IGFBP4: variants seen among roughly 807,000 people sequenced by gnomAD.
IGFBP4 encodes the protein insulin-like growth factor-binding protein 4.
A neutral mutation model predicts 25.8 loss-of-function variants in IGFBP4; 9 were observed. The observed-to-expected ratio is 0.35, with a 90% CI of 0.21 to 0.61. The LOEUF (loss-of-function observed/expected upper bound fraction) is 0.61. Among genes scored for constraint, IGFBP4 ranks in the 20% least tolerant of loss-of-function variants. IGFBP4 has a pLI of 0.77. For synonymous variants in IGFBP4, 153 were observed against 153.9 expected (o/e 0.99, Z 0.05); for missense variants, 315 against 365.3 (o/e 0.86, Z 1.12).
chr17:40,456,674 G>C lies in IGFBP4; in HGVS notation c.*91G>C. On this transcript the variant is annotated 3_prime_UTR_variant, in exon 4 of 4. Transcript: ENST00000269593. ...GACCCAGAGTGGAGTCTGAGTCTGA[G>C]TCCTGTCTCTGCCTGCGGCCCAGAA... 7.5e-7 allele frequency: 1 copy of C among 1,330,322 alleles called. No individual in the cohort carries two copies. The highest frequency in any genetic ancestry group is 1.0e-6 in the Non-Finnish European group (1 of 964,864). The allele number at this position is 1,330,322 out of a possible 1,614,324, so 82.4% of individuals were successfully genotyped here. A position where few individuals can be genotyped will look rare whatever the true frequency, so the allele number is the denominator to read the frequency against.
intron 1 of IGFBP4, 100 bp from the exon 2 acceptor site, chr17:40,452,885 G>A (rs2035692849): frequency 4.8e-6 from 5 of 1,039,312 alleles, no homozygotes; most frequent in Non-Finnish European, 6.6e-6. Context: ...GCGCCAAGCC[G>A]AAGAATCCCC....
chr17:40,451,531 G>A (rs956847149), intron 1 of IGFBP4, among the ~76,000 whole-genome samples: 6 of 151,904 alleles, frequency 3.9e-5, no homozygotes, highest in African/African-American at 1.5e-4. Context: ...GGCAGCTCTG[G>A]GATCGCTGCC....
chr17:40,443,688 C>T lies in IGFBP4; in HGVS notation c.-48C>T. ...GCCGCTCGCCCGCGCGCCCGCGCTC[C>T]CCGCCTGCGCCCAGCGCCCCGCGCC... is the stretch of plus-strand genomic sequence containing the variant. On this transcript the variant is annotated 5_prime_UTR_variant, in exon 1 of 4. Coordinates refer to ENST00000269593, the MANE Select transcript of IGFBP4 (RefSeq NM_001552.3). 8.8e-7 allele frequency: 1 copy of T among 1,141,906 alleles called. No individual in the cohort carries two copies. Among genetic ancestry groups the T allele is most frequent in the Non-Finnish European group, 1.1e-6 (1 of 914,494 alleles). 70.7% of individuals were successfully genotyped at this position (1,141,906 alleles called of 1,614,324 possible). A position where few individuals can be genotyped will look rare whatever the true frequency, so the allele number is the denominator to read the frequency against.
At position 40,454,015 on chromosome 17, in the gene IGFBP4, A is replaced by T; in HGVS notation, c.595A>T (p.Ile199Phe). Residue 199 changes from isoleucine (I) to phenylalanine (F), a missense_variant, in exon 3 of 4, where the codon ATC becomes TTC. Ile to Phe is a conservative substitution (Grantham distance 21). Transcript: ENST00000269593. ...QSRTHEDLYI[I>F]PIPNCDRNGN... is the part of the protein sequence containing the mutation. ...CCGCACCCACGAGGACCTCTACATC[A>T]TCCCCATCCCCAACTGCGACCGCAA... is the stretch of plus-strand genomic sequence containing the variant. The T allele has an allele frequency of 6.2e-7, 1 of 1,612,482 alleles. No individual in the cohort carries two copies. Among genetic ancestry groups the T allele is most frequent in the South Asian group, 1.1e-5 (1 of 90,724 alleles).
intron 1 of IGFBP4, 47 bp from the exon 2 acceptor site, chr17:40,452,930 GTGACGCTC>G: frequency 2.9e-6 from 4 of 1,365,938 alleles, no homozygotes; most frequent in Non-Finnish European, 3.9e-6. Context: ...CTGGGTTGGT[GTGACGCTC>G]TGACCTCTTC....
chr17:40,452,128 A>G (rs10305299), intron 1 of IGFBP4, among the ~76,000 whole-genome samples: 6 of 152,112 alleles, frequency 3.9e-5, no homozygotes, highest in Non-Finnish European at 8.8e-5. Flanking sequence ...ATGAGCCACA[A>G]TGCCCCATTT....
intron 1 of IGFBP4, among the ~76,000 whole-genome samples, chr17:40,444,575 A>G (rs2035630012): frequency 6.6e-6 from 1 of 152,076 alleles, no homozygotes; most frequent in Admixed American, 6.6e-5. Context: ...GGAGTGGGAC[A>G]TACAAATTAG....
chr17:40,456,737 G>C lies in IGFBP4; in HGVS notation c.*154G>C. ...TGCGCGTGTGCACGTGTGCGTGTGCGTGCGTGTGTGTGTGTTTGTGAGCAT... is the reference window on the plus strand; with the variant it reads ...TGCGCGTGTGCACGTGTGCGTGTGCCTGCGTGTGTGTGTGTTTGTGAGCAT... On this transcript the variant is annotated 3_prime_UTR_variant, in exon 4 of 4. Coordinates refer to ENST00000269593, the MANE Select transcript of IGFBP4 (RefSeq NM_001552.3). 1 of 682,512 alleles carries C rather than the reference G, an allele frequency of 1.5e-6. No individual in the cohort carries two copies. The allele number at this position is 682,512 out of a possible 1,614,324, so 42.3% of individuals were successfully genotyped here.
At chr17:40,452,824 A>G (rs890827139) in intron 1 of IGFBP4, among the ~76,000 whole-genome samples, 161 bp from the exon 2 acceptor site, 1 of 151,956 alleles carries the variant, frequency 6.6e-6, no homozygotes, top group African/African-American at 2.4e-5. Flanking sequence ...GGGAGGAGGT[A>G]GGGGGCTGCT....
In IGFBP4 at chr17:40,454,049, TCCA is replaced by T; in HGVS notation, c.632_634del (p.His211del). 1 of 1,612,220 alleles carries T rather than the reference TCCA, an allele frequency of 6.2e-7. No individual in the cohort carries two copies. Among genetic ancestry groups the T allele is most frequent in the Non-Finnish European group, 8.5e-7 (1 of 1,179,226 alleles). ...CCCAACTGCGACCGCAACGGCAACT[TCCA>T]CCCCAAGCAGGTGGGTCTCTGTCTC... is the stretch of plus-strand genomic sequence containing the variant. On this transcript the variant is annotated inframe_deletion, in exon 3 of 4. Transcript: ENST00000269593.
At chr17:40,445,114 C>A (rs991336308) in intron 1 of IGFBP4, among the ~76,000 whole-genome samples, 1 of 152,136 alleles carries the variant, frequency 6.6e-6, no homozygotes, top group African/African-American at 2.4e-5. Context: ...TGTCTCTCAA[C>A]CTCTAGTTTC....
At chr17:40,446,840 C>T (rs990126731) in intron 1 of IGFBP4, among the ~76,000 whole-genome samples, 1 of 152,186 alleles carries the variant, frequency 6.6e-6, no homozygotes, top group Non-Finnish European at 1.5e-5. Context: ...CCCTCCCACA[C>T]CTCCTAGTCA....
chr17:40,449,690 A>G (rs1192802848), intron 1 of IGFBP4, among the ~76,000 whole-genome samples: 5 of 151,636 alleles, frequency 3.3e-5, no homozygotes, highest in Non-Finnish European at 5.9e-5. Flanking sequence ...TGGAGCTTGC[A>G]TTGAGCCGAG....
Position 40,444,009 on chromosome 17 carries a change from A to C in IGFBP4, c.274A>C (p.Thr92Pro). The change falls in exon 1 of 4, where the codon ACA (threonine) becomes CCA (proline). Residue 92 changes from threonine to proline, a missense_variant. Transcript: ENST00000269593. The part of the protein sequence containing the change: ...PPRGVEKPLH[T>P]LMHGQGVCME... ...CCGAGGGGTGGAGAAGCCCCTGCAC[A>C]CACTGATGCACGGGCAAGGCGTGTG... is the stretch of plus-strand genomic sequence containing the variant. 1.3e-6 allele frequency: 2 copies of C among 1,536,510 alleles called. No individual in the cohort carries two copies. The highest frequency in any genetic ancestry group is 1.7e-6 in the Non-Finnish European group (2 of 1,146,912).
rs151291502 is a variant in IGFBP4 at position 40,456,520 on chromosome 17, G to T, written c.714G>T (p.Pro238=). 1 of 1,613,440 alleles carries T rather than the reference G, an allele frequency of 6.2e-7. No individual in the cohort carries two copies. The highest frequency in any genetic ancestry group is 8.5e-7 in the Non-Finnish European group (1 of 1,179,772). The part of the protein sequence containing the change: ...CVDRKTGVKL[P]GGLEPKGELD... ...ACCGGAAGACGGGGGTGAAGCTTCCGGGGGGCCTGGAGCCAAAGGGGGAGC... is the reference window on the plus strand; with the variant it reads ...ACCGGAAGACGGGGGTGAAGCTTCCTGGGGGCCTGGAGCCAAAGGGGGAGC... The change falls in exon 4 of 4, where the codon CCG becomes CCT. Residue 238 remains proline (P), a synonymous_variant. Transcript: ENST00000269593.
chr17:40,446,469 A>T (rs1026931760), intron 1 of IGFBP4, among the ~76,000 whole-genome samples: 14 of 152,072 alleles, frequency 9.2e-5, no homozygotes, highest in Non-Finnish European at 1.5e-5. Context: ...TACAAAAATT[A>T]GCTGGGCATG....
At position 40,456,780 on chromosome 17, in the gene IGFBP4, A is replaced by G; in HGVS notation, c.*197A>G. 2 of 582,800 alleles carry G rather than the reference A, an allele frequency of 3.4e-6. No individual in the cohort carries two copies. The highest frequency in any genetic ancestry group is 3.4e-5 in the Admixed American group (1 of 29,434). The allele number at this position is 582,800 out of a possible 1,614,324, so 36.1% of individuals were successfully genotyped here. A position where few individuals can be genotyped will look rare whatever the true frequency, so the allele number is the denominator to read the frequency against. On this transcript the variant is annotated 3_prime_UTR_variant, in exon 4 of 4. Transcript: ENST00000269593. ...GTGAGCATGGGTGTGCCCTTGGGGT[A>G]AGCCAGAGCCTGGGGTGTTCTCTTT... is the stretch of plus-strand genomic sequence containing the variant.
At chr17:40,445,406 G>T (rs1162070351) in intron 1 of IGFBP4, among the ~76,000 whole-genome samples, 1 of 152,202 alleles carries the variant, frequency 6.6e-6, no homozygotes, top group Non-Finnish European at 1.5e-5. Context: ...GGTGCTTGAA[G>T]CTTCCATTGT....
At chr17:40,445,745 G>A (rs1392448217) in intron 1 of IGFBP4, among the ~76,000 whole-genome samples, 6 of 152,152 alleles carry the variant, frequency 3.9e-5, no homozygotes, top group African/African-American at 1.4e-4. Context: ...GACTGGGAGG[G>A]AGCAAGGGCC....
Sources: gnomAD v4.1 joint callset for allele counts (sites outside exome capture counted in the v4.1 genomes callset) on GRCh38, gnomAD v4.1.1 for gene constraint, MANE v1.5 for transcripts, NCBI Gene and HGNC (gene_info 2026-07-23, HGNC 2026-07-21) for gene names.